Variants in PRKAG2 observed in about 807,000 individuals in gnomAD.
The protein encoded by PRKAG2 is 5'-AMP-activated protein kinase subunit gamma-2.
In PRKAG2, 26 loss-of-function variants were observed where a neutral mutation model predicts 69.6. The ratio of observed to expected loss-of-function variants is 0.37; its 90% CI spans 0.27 to 0.52. The LOEUF is 0.52. PRKAG2 is among the 20% of genes least tolerant of loss of function. The probability of loss-of-function intolerance (pLI) is 0.90; values close to 1 mark genes in which losing one functional copy is unlikely to be tolerated. For missense variants in PRKAG2, 557 were observed against 740.0 expected, an observed-to-expected ratio of 0.75 and a Z score of 2.87; for synonymous variants, 293 against 285.0, an observed-to-expected ratio of 1.03 and a Z score of -0.28.
intron 12 of PRKAG2, 23 bp downstream of exon 12, chr7:151,565,697 C>G: frequency 6.2e-7 from 1 of 1,604,928 alleles, no homozygotes; most frequent in South Asian, 1.1e-5. Context: ...TTATTTCTGC[C>G]TGTCAGCGCC....
Position 151,814,693 on chromosome 7 carries a change from G to A in PRKAG2, c.115-28152C>T. On this transcript the variant is annotated intron_variant, in intron 1 of 15. Transcript: ENST00000287878. The surrounding 1 kb of genome is among the most constrained non-coding windows in gnomAD (Gnocchi z 4.8). ...GGGTGTGTTCCCAGTCCCCAAGGCA[G>A]CGCAACAAGCGGCTGGCAGACAGCA... The A allele has an allele frequency of 1.6e-6, 2 of 1,231,812 alleles. No individual in the cohort carries two copies. The highest frequency in any genetic ancestry group is 2.0e-6 in the Non-Finnish European group (2 of 987,988). The allele number at this position is 1,231,812 out of a possible 1,614,324, so 76.3% of individuals were successfully genotyped here. A position where few individuals can be genotyped will look rare whatever the true frequency, so the allele number is the denominator to read the frequency against.
chr7:151,766,233 C>T (rs2075726558), intron 3 of PRKAG2, among the ~76,000 whole-genome samples: 1 of 152,188 alleles, frequency 6.6e-6, no homozygotes, highest in African/African-American at 2.4e-5. Flanking sequence ...AGATCTGAAA[C>T]CTTTGTTCTT....
At chr7:151,696,139 G>T (rs376650441) in intron 3 of PRKAG2, among the ~76,000 whole-genome samples, 81 of 152,122 alleles carry the variant, frequency 5.3e-4, no homozygotes, top group African/African-American at 1.8e-3. Context: ...AGCTCAGCCG[G>T]CCTTTGTTCT....
chr7:151,686,205 C>T (rs2151510806), intron 3 of PRKAG2, among the ~76,000 whole-genome samples: 1 of 152,262 alleles, frequency 6.6e-6, no homozygotes, highest in Middle Eastern at 3.4e-3. Context: ...CCGATGGGGC[C>T]AGGAGGAGCC....
intron 4 of PRKAG2, among the ~76,000 whole-genome samples, chr7:151,653,778 G>A (rs1014403314): frequency 6.6e-6 from 1 of 152,160 alleles, no homozygotes; most frequent in African/African-American, 2.4e-5. Context: ...GGAGCTGGAG[G>A]TTGCAGTGAG....
At chr7:151,793,032 G>C (rs1040948026) in intron 1 of PRKAG2, among the ~76,000 whole-genome samples, 3 of 152,228 alleles carry the variant, frequency 2.0e-5, no homozygotes, top group African/African-American at 7.2e-5. Context: ...TGTCAAATGA[G>C]AGGGTTGAAC....
At chr7:151,563,423 T>C (rs1054114886) in intron 14 of PRKAG2, among the ~76,000 whole-genome samples, 2 of 152,222 alleles carry the variant, frequency 1.3e-5, no homozygotes, top group East Asian at 1.9e-4. Flanking sequence ...GAAAGAGAGA[T>C]ACTGGTGGGA....
chr7:151,724,463 T>C (rs1290583641), intron 3 of PRKAG2, among the ~76,000 whole-genome samples: 1 of 152,096 alleles, frequency 6.6e-6, no homozygotes, highest in Admixed American at 6.5e-5. Flanking sequence ...AGGGGGTGAC[T>C]GGTGACTTCC....
chr7:151,718,755 G>A (rs182018842), intron 3 of PRKAG2, among the ~76,000 whole-genome samples: 1 of 152,054 alleles, frequency 6.6e-6, no homozygotes, highest in Admixed American at 6.5e-5. Context: ...CTCTGGGCCC[G>A]TAGCTGACTG....
intron 4 of PRKAG2, among the ~76,000 whole-genome samples, chr7:151,664,402 C>G (rs192954738): frequency 1.3e-5 from 2 of 152,216 alleles, no homozygotes; most frequent in East Asian, 1.9e-4. Flanking sequence ...AGGGACATGC[C>G]GAGTCACTCT....
intron 4 of PRKAG2, among the ~76,000 whole-genome samples, chr7:151,674,761 C>CT (rs5888446): frequency 0.66 from 98,311 of 148,100 alleles, 32,395 homozygotes; most frequent in Admixed American, 0.69. Context: ...TTCTGTTTTA[C>CT]TTTTTTTTTT....
intron 3 of PRKAG2, among the ~76,000 whole-genome samples, chr7:151,678,094 C>T (rs924937397): frequency 1.3e-5 from 2 of 152,214 alleles, no homozygotes; most frequent in African/African-American, 4.8e-5. Flanking sequence ...CAGAACCACC[C>T]GTGTCCCTCC....
At position 151,874,192 on chromosome 7, in the gene PRKAG2, GTATATGATGTAT is replaced by G. The variant is rs1339467014; in HGVS notation, c.114+2303_114+2314del. Among the ~76,000 whole-genome samples the G allele has an allele frequency of 1.1e-3, 142 of 127,690 alleles. 3 individuals carry two copies. Among genetic ancestry groups the G allele is most frequent in the Middle Eastern group, 4.3e-3 (1 of 230 alleles). The allele number at this position is 127,690 out of a possible 152,430, so 83.8% of individuals were successfully genotyped here. On this transcript the variant is annotated intron_variant, in intron 1 of 15. Transcript: ENST00000287878. Reference sequence around the variant, plus strand: ...ATATGATGTATATGTATATGTATATGTATATGATGTATATGTATATGTATATGATGTATATGT... The same window carrying G: ...ATATGATGTATATGTATATGTATATGATGTATATGTATATGATGTATATGT...
chr7:151,809,676 C>G (rs1198841424), intron 1 of PRKAG2: 1 of 160,142 alleles, frequency 6.2e-6, no homozygotes, highest in Admixed American at 6.2e-5. Context: ...CTTTGAAGAG[C>G]TACCCATTTC....
At position 151,632,169 on chromosome 7, in the gene PRKAG2, A is replaced by G. The variant is rs777033768; in HGVS notation, c.685-31T>C. On this transcript the variant is annotated intron_variant, in intron 4 of 15. Coordinates refer to ENST00000287878, the MANE Select transcript of PRKAG2 (RefSeq NM_016203.4). This position sits in a 1 kb window ranked among gnomAD's most constrained non-coding sequence, Gnocchi z 4.2. ...GGGGAGGAGGAGGACAGCGATCAGC[A>G]TGAGCTGCGACGCTCGTCCCCGGCC... The G allele has an allele frequency of 2.6e-5, 34 of 1,299,712 alleles. No homozygotes were observed. The highest frequency in any genetic ancestry group is 3.4e-5 in the Non-Finnish European group (34 of 1,013,488). 80.5% of individuals were successfully genotyped at this position (1,299,712 alleles called of 1,614,324 possible). A position where few individuals can be genotyped will look rare whatever the true frequency, so the allele number is the denominator to read the frequency against.
At chr7:151,722,517 G>A (rs911087286) in intron 3 of PRKAG2, among the ~76,000 whole-genome samples, 6 of 152,120 alleles carry the variant, frequency 3.9e-5, no homozygotes, top group South Asian at 2.1e-4. Flanking sequence ...GGGTCTCCTC[G>A]TGGAGCTCAT....
At chr7:151,666,210 A>G (rs1377996420) in intron 4 of PRKAG2, among the ~76,000 whole-genome samples, 1 of 152,226 alleles carries the variant, frequency 6.6e-6, no homozygotes, top group African/African-American at 2.4e-5. Context: ...CCCAAAATTC[A>G]TATGCTGGAT....
chr7:151,727,502 G>A (rs1250656341), intron 3 of PRKAG2, among the ~76,000 whole-genome samples: 1 of 152,192 alleles, frequency 6.6e-6, no homozygotes, highest in Non-Finnish European at 1.5e-5. Context: ...GGAAGGGCTA[G>A]GAAACTGAGG....
chr7:151,799,734 C>T (rs1177630649), intron 1 of PRKAG2, among the ~76,000 whole-genome samples: 1 of 152,188 alleles, frequency 6.6e-6, no homozygotes, highest in African/African-American at 2.4e-5. Flanking sequence ...TAGCCAGCAG[C>T]GATGCATAAA....
Sources: allele counts gnomAD v4.1 joint callset (sites outside exome capture counted in the v4.1 genomes callset), GRCh38; gene constraint gnomAD v4.1.1; non-coding constraint Gnocchi (gnomAD v3.1); transcripts MANE v1.5; gene names NCBI Gene and HGNC (gene_info 2026-07-23, HGNC 2026-07-21).